The following PPP6R3 variants were observed in gnomAD, a reference collection of about 807,000 sequenced individuals.
PPP6R3 encodes the protein protein phosphatase 6 regulatory subunit 3, also known as serine/threonine-protein phosphatase 6 regulatory subunit 3.
PPP6R3 carries 38 observed loss-of-function variants against 110.7 expected under a neutral mutation model. The observed-to-expected ratio is 0.34, with a 90% CI of 0.26 to 0.45. The LOEUF (loss-of-function observed/expected upper bound fraction) is 0.45. PPP6R3 is among the 20% of genes least tolerant of loss of function. PPP6R3 has a pLI of 1.00. For missense variants in PPP6R3, 870 were observed against 1,062.4 expected (o/e 0.82, Z 2.52); for synonymous variants, 369 against 373.5 (o/e 0.99, Z 0.14).
intron 1 of PPP6R3, among the ~76,000 whole-genome samples, chr11:68,484,421 CATT>C (rs1315071460): frequency 6.6e-6 from 1 of 152,050 alleles, no homozygotes; most frequent in African/African-American, 2.4e-5. Context: ...TGTGCTATCT[CATT>C]GTTGCTTTAA....
chr11:68,540,629 G>A (rs1296325346), intron 3 of PPP6R3, among the ~76,000 whole-genome samples: 4 of 152,122 alleles, frequency 2.6e-5, no homozygotes, highest in African/African-American at 9.7e-5. Flanking sequence ...AAGCCTGGGA[G>A]CATTATGGGA....
In PPP6R3 at chr11:68,614,747, G is replaced by T. The variant is rs142423866; in HGVS notation, c.*1630G>T. The T allele has an allele frequency of 6.5e-7, 1 of 1,536,970 alleles. No individual in the cohort carries two copies. The highest frequency in any genetic ancestry group is 8.8e-7 in the Non-Finnish European group (1 of 1,137,982). Reference sequence around the variant, plus strand: ...CCTCCTCAGGAACCCCCTTTCCCGGGTGAGCCCCTCTCTGAAGAGACTGTC... The same window carrying T: ...CCTCCTCAGGAACCCCCTTTCCCGGTTGAGCCCCTCTCTGAAGAGACTGTC... On this transcript the variant is annotated 3_prime_UTR_variant, in exon 24 of 24. Coordinates refer to ENST00000393800, the MANE Select transcript of PPP6R3 (RefSeq NM_001164161.2).
chr11:68,516,402 A>G (rs1224374560), intron 1 of PPP6R3, among the ~76,000 whole-genome samples: 2 of 152,218 alleles, frequency 1.3e-5, no homozygotes, highest in Middle Eastern at 3.2e-3. Flanking sequence ...TACCTTTAGG[A>G]TATATGTATA....
chr11:68,603,808 A>G (rs1424244542), intron 22 of PPP6R3, among the ~76,000 whole-genome samples: 2 of 152,210 alleles, frequency 1.3e-5, no homozygotes, highest in African/African-American at 4.8e-5. Flanking sequence ...AGCATGGCCC[A>G]TGAAAACCGG....
chr11:68,576,522 A>T (rs1017728865), intron 14 of PPP6R3, among the ~76,000 whole-genome samples: 12 of 152,296 alleles, frequency 7.9e-5, no homozygotes, highest in African/African-American at 2.2e-4. Flanking sequence ...CAGCTTTAAA[A>T]TTTTTTTACC....
At chr11:68,498,905 C>T (rs1335421461) in intron 1 of PPP6R3, among the ~76,000 whole-genome samples, 1 of 152,144 alleles carries the variant, frequency 6.6e-6, no homozygotes, top group African/African-American at 2.4e-5. Context: ...AGCTATTGTA[C>T]CAAATTAGGC....
intron 1 of PPP6R3, among the ~76,000 whole-genome samples, chr11:68,506,351 C>T (rs983992015): frequency 1.5e-5 from 2 of 135,538 alleles, no homozygotes; most frequent in African/African-American, 5.5e-5. Flanking sequence ...AGTGATCTTC[C>T]TGTTTCAGTC....
intron 2 of PPP6R3, among the ~76,000 whole-genome samples, chr11:68,520,678 T>C (rs1188055353): frequency 1.3e-5 from 2 of 152,224 alleles, no homozygotes; most frequent in Non-Finnish European, 2.9e-5. Flanking sequence ...TTTCCTCAGC[T>C]TTACCTCAAT....
chr11:68,475,591 C>T (rs1473980810), intron 1 of PPP6R3, among the ~76,000 whole-genome samples: 2 of 148,140 alleles, frequency 1.4e-5, no homozygotes, highest in African/African-American at 5.0e-5. Context: ...GCGGGGGCTG[C>T]CCCCCACCTC....
At chr11:68,462,216 T>G (rs2098713066) in intron 1 of PPP6R3, among the ~76,000 whole-genome samples, 1 of 152,244 alleles carries the variant, frequency 6.6e-6, no homozygotes, top group Middle Eastern at 3.2e-3. Context: ...TTTTAAATGT[T>G]TAGGTACTAT....
intron 6 of PPP6R3, among the ~76,000 whole-genome samples, chr11:68,552,261 T>C (rs942801331): frequency 6.6e-6 from 1 of 152,232 alleles, no homozygotes; most frequent in Non-Finnish European, 1.5e-5. Context: ...TCCTTGTGTG[T>C]CTCTAGGTTG....
intron 4 of PPP6R3, among the ~76,000 whole-genome samples, chr11:68,546,601 A>G (rs2099350153): frequency 6.6e-6 from 1 of 152,208 alleles, no homozygotes; most frequent in South Asian, 2.1e-4. Flanking sequence ...GAGTGTAAAT[A>G]AAGGTTTTCT....
chr11:68,550,079 T>C (rs1387555606), intron 5 of PPP6R3, among the ~76,000 whole-genome samples: 1 of 152,208 alleles, frequency 6.6e-6, no homozygotes, highest in Non-Finnish European at 1.5e-5. Context: ...TAGACATCAC[T>C]TGTGAGCTTG....
chr11:68,599,881 T>A (rs2099625611), intron 19 of PPP6R3, among the ~76,000 whole-genome samples: 1 of 152,182 alleles, frequency 6.6e-6, no homozygotes. Flanking sequence ...CCCAGCACTT[T>A]GGGAGGCCAA....
chr11:68,521,329 G>T (rs922180204), intron 2 of PPP6R3, among the ~76,000 whole-genome samples: 1 of 152,168 alleles, frequency 6.6e-6, no homozygotes, highest in African/African-American at 2.4e-5. Context: ...ATCATTAATT[G>T]TTTGGTGGTA....
chr11:68,462,650 A>G (rs974900802), intron 1 of PPP6R3, among the ~76,000 whole-genome samples: 1 of 152,190 alleles, frequency 6.6e-6, no homozygotes, highest in South Asian at 2.1e-4. Flanking sequence ...TTTGGAAGGT[A>G]TTCTCCACTT....
intron 3 of PPP6R3, among the ~76,000 whole-genome samples, chr11:68,541,405 G>C (rs752654169): frequency 7.9e-5 from 12 of 152,190 alleles, no homozygotes; most frequent in Non-Finnish European, 1.0e-4. Flanking sequence ...GATTTCCAGA[G>C]GCACTAGATG....
chr11:68,592,342 TACTC>T (rs1335008333), intron 18 of PPP6R3, among the ~76,000 whole-genome samples: 2 of 152,240 alleles, frequency 1.3e-5, no homozygotes, highest in Non-Finnish European at 2.9e-5. Context: ...CATTTATTGT[TACTC>T]ATTTTATTCA....
chr11:68,560,787 A>G (rs1239867310), intron 8 of PPP6R3, among the ~76,000 whole-genome samples: 1 of 152,106 alleles, frequency 6.6e-6, no homozygotes, highest in Admixed American at 6.5e-5. Context: ...ACTCCCATGC[A>G]TACCAAAATC....
Sources: allele counts gnomAD v4.1 joint callset (sites outside exome capture counted in the v4.1 genomes callset), GRCh38; gene constraint gnomAD v4.1.1; transcripts MANE v1.5; gene names NCBI Gene and HGNC (gene_info 2026-07-23, HGNC 2026-07-21).